DNAH17: variants seen among roughly 807,000 people sequenced by gnomAD.
The protein encoded by DNAH17 is dynein axonemal heavy chain 17, also known as axonemal beta dynein heavy chain 17.
A neutral mutation model predicts 485.6 loss-of-function variants in DNAH17; 376 were observed. The ratio of observed to expected loss-of-function variants is 0.77; its 90% CI spans 0.71 to 0.84. The LOEUF is 0.84. Among genes scored for constraint, DNAH17 ranks in the 40% least tolerant of loss-of-function variants. The probability of loss-of-function intolerance (pLI) is 0.00; values close to 1 mark genes in which losing one functional copy is unlikely to be tolerated. For missense variants in DNAH17, 6,370 were observed against 5,839.3 expected, an observed-to-expected ratio of 1.09 and a Z score of -2.96; for synonymous variants, 3,031 against 2,405.9, an observed-to-expected ratio of 1.26 and a Z score of -7.60.
At chr17:78,540,192 G>A (rs541071135) in intron 17 of DNAH17, among the ~76,000 whole-genome samples, 6 of 132,654 alleles carry the variant, frequency 4.5e-5, no homozygotes, top group Non-Finnish European at 6.4e-5. Context: ...TGGCTCAGAG[G>A]GCCACTCAGA....
intron 60 of DNAH17, among the ~76,000 whole-genome samples, 180 bp from the exon 61 acceptor site, chr17:78,459,388 C>T (rs1295949596): frequency 1.3e-5 from 2 of 152,208 alleles, no homozygotes; most frequent in Non-Finnish European, 2.9e-5. Context: ...ACTCCCATTA[C>T]CCCACAGTGG....
chr17:78,557,253 T>G (rs2092044282), intron 14 of DNAH17, among the ~76,000 whole-genome samples: 1 of 152,174 alleles, frequency 6.6e-6, no homozygotes, highest in African/African-American at 2.4e-5. Flanking sequence ...TTAACAGAAG[T>G]AATGGAAGCA....
At position 78,561,178 on chromosome 17, in the gene DNAH17, C is replaced by T. The variant is rs977619997; in HGVS notation, c.1836-243G>A. 5.9e-5 allele frequency among the ~76,000 whole-genome samples: 9 copies of T among 152,120 alleles called. No individual in the cohort carries two copies. In the East Asian group the frequency reaches 9.6e-4, roughly 16 times the overall value. On this transcript the variant is annotated intron_variant, in intron 12 of 80. Transcript: ENST00000389840. ...TAGAACCCACGCAGCAACTGGCTCC[C>T]GACCGCCAGGCCTGGATGAATGACA...
chr17:78,567,785 C>T (rs1460939063), intron 9 of DNAH17, among the ~76,000 whole-genome samples: 1 of 152,156 alleles, frequency 6.6e-6, no homozygotes, highest in East Asian at 1.9e-4. Context: ...ATCTGCGCCG[C>T]TTGTGTTTGC....
At chr17:78,425,755 G>T (rs2086421737) in intron 79 of DNAH17, among the ~76,000 whole-genome samples, 184 bp from the exon 80 acceptor site, 3 of 88,314 alleles carry the variant, frequency 3.4e-5, no homozygotes, top group Non-Finnish European at 6.1e-5. Flanking sequence ...TTTGGTGTCT[G>T]CTTTTTTTTT....
intron 51 of DNAH17, among the ~76,000 whole-genome samples, chr17:78,477,261 G>C (rs535215854): frequency 6.6e-6 from 1 of 152,232 alleles, no homozygotes; most frequent in Admixed American, 6.5e-5. Context: ...AAGAAATAAG[G>C]TAATTGCACA....
intron 72 of DNAH17, among the ~76,000 whole-genome samples, chr17:78,440,682 G>A (rs1302732164): frequency 1.3e-5 from 2 of 152,200 alleles, no homozygotes; most frequent in Non-Finnish European, 2.9e-5. Context: ...TGGCTATTAT[G>A]AATGAACGTC....
intron 25 of DNAH17, among the ~76,000 whole-genome samples, chr17:78,524,296 C>A (rs950461430): frequency 6.6e-6 from 1 of 152,160 alleles, no homozygotes; most frequent in African/African-American, 2.4e-5. Context: ...CACCACCACG[C>A]CCAGTTAATT....
chr17:78,525,608 G>A (rs2091046917), intron 24 of DNAH17, among the ~76,000 whole-genome samples: 1 of 152,280 alleles, frequency 6.6e-6, no homozygotes, highest in Non-Finnish European at 1.5e-5. Context: ...AGCACCTGGT[G>A]ATAGTGGGTG....
At chr17:78,497,720 G>A (rs1031370602) in intron 37 of DNAH17, among the ~76,000 whole-genome samples, 1 of 152,226 alleles carries the variant, frequency 6.6e-6, no homozygotes, top group Admixed American at 6.5e-5. Context: ...GGAGGAAGCA[G>A]CCACCCCAGG....
At position 78,516,694 on chromosome 17, in the gene DNAH17, A is replaced by G. The variant is rs2090792002; in HGVS notation, c.3865-1672T>C. Reference sequence around the variant, plus strand: ...CACAGAGCAAGACTCCATCTCAGAAAAAAAAAAAAAAAAAAAAAGAGAGAG... The same window carrying G: ...CACAGAGCAAGACTCCATCTCAGAAGAAAAAAAAAAAAAAAAAAGAGAGAG... On this transcript the variant is annotated intron_variant, in intron 25 of 80. Transcript: ENST00000389840. Among the ~76,000 whole-genome samples the G allele has an allele frequency of 1.9e-4, 15 of 79,432 alleles. No homozygotes were observed. The South Asian group carries it at 6.1e-3, about 32-fold the overall frequency. 52.1% of individuals were successfully genotyped at this position (79,432 alleles called of 152,430 possible). A position where few individuals can be genotyped will look rare whatever the true frequency, so the allele number is the denominator to read the frequency against.
At chr17:78,478,011 T>TCACCACCAC in intron 51 of DNAH17, among the ~76,000 whole-genome samples, 1 of 84,182 alleles carries the variant, frequency 1.2e-5, no homozygotes, top group African/African-American at 6.3e-5. Flanking sequence ...ATCATCACCA[T>TCACCACCAC]CATCACCATC....
chr17:78,454,613 G>A lies in DNAH17; in HGVS notation c.10263C>T (p.Ser3421=), dbSNP rs759286137. ...VATWNNQGLP[S]DRMSTENATI... is the part of the protein sequence containing the mutation. ...TGGCATTCTCGGTGGACATGCGGTCGCTGGGGAGGCCCTGGTTGTTCCAGG... is the reference window on the plus strand; with the variant it reads ...TGGCATTCTCGGTGGACATGCGGTCACTGGGGAGGCCCTGGTTGTTCCAGG... The change falls in exon 64 of 81, where the codon AGC becomes AGT. Residue 3421 remains serine, a synonymous_variant. Transcript: ENST00000389840. The A allele has an allele frequency of 1.2e-5, 19 of 1,612,164 alleles. No homozygotes were observed. Among genetic ancestry groups the A allele is most frequent in the Middle Eastern group, 1.6e-4 (1 of 6,084 alleles).
At chr17:78,440,582 G>T (rs1027795593) in intron 72 of DNAH17, among the ~76,000 whole-genome samples, 3 of 152,042 alleles carry the variant, frequency 2.0e-5, no homozygotes, top group African/African-American at 7.2e-5. Context: ...TTTAATCGAG[G>T]GATACTATTC....
chr17:78,432,388 G>A (rs2086706455), intron 75 of DNAH17, among the ~76,000 whole-genome samples: 1 of 4,064 alleles, frequency 2.5e-4, no homozygotes, highest in Non-Finnish European at 0.016. Flanking sequence ...CCCATCGACC[G>A]GCAGACAGCA....
At chr17:78,573,370 A>G (rs1052065932) in intron 2 of DNAH17, among the ~76,000 whole-genome samples, 12 of 152,058 alleles carry the variant, frequency 7.9e-5, no homozygotes, top group South Asian at 2.1e-4. Flanking sequence ...AGGCCGAGGC[A>G]GGTACATCAC....
At chr17:78,492,808 G>A in intron 41 of DNAH17, 43 bp from the exon 42 acceptor site, 1 of 1,573,822 alleles carries the variant, frequency 6.4e-7, no homozygotes, top group Non-Finnish European at 8.6e-7. Flanking sequence ...CCATGTTCCT[G>A]GCACATCCTG....
chr17:78,508,196 G>A (rs1443840305), intron 27 of DNAH17, among the ~76,000 whole-genome samples: 1 of 152,140 alleles, frequency 6.6e-6, no homozygotes, highest in Admixed American at 6.5e-5. Context: ...GCACTTGAAG[G>A]GCAGCAGATG....
At chr17:78,565,315 A>C (rs775354574) in intron 11 of DNAH17, among the ~76,000 whole-genome samples, 5 of 152,222 alleles carry the variant, frequency 3.3e-5, no homozygotes, top group Non-Finnish European at 7.3e-5. Flanking sequence ...TGCTGTATTA[A>C]TTTGCATTCA....
Sources: gnomAD v4.1 joint callset for allele counts (sites outside exome capture counted in the v4.1 genomes callset) on GRCh38, gnomAD v4.1.1 for gene constraint, MANE v1.5 for transcripts, NCBI Gene and HGNC (gene_info 2026-07-23, HGNC 2026-07-21) for gene names.